The following CYP4F22 variants were observed in gnomAD, a reference collection of about 807,000 sequenced individuals.
CYP4F22 encodes ultra-long-chain fatty acid omega-hydroxylase.
A neutral mutation model predicts 60.4 loss-of-function variants in CYP4F22; 37 were observed. The ratio of observed to expected loss-of-function variants is 0.61; its 90% CI spans 0.47 to 0.81. The LOEUF (loss-of-function observed/expected upper bound fraction) is 0.81. Ranked by LOEUF, CYP4F22 falls within the 30% of genes least tolerant of loss-of-function variation. The pLI is 0.00. For synonymous variants in CYP4F22, 258 were observed against 280.5 expected, an observed-to-expected ratio of 0.92 and a Z score of 0.80; for missense variants, 655 against 715.0, an observed-to-expected ratio of 0.92 and a Z score of 0.96.
intron 2 of CYP4F22, among the ~76,000 whole-genome samples, chr19:15,524,814 T>C (rs1290613610): frequency 6.6e-6 from 1 of 152,132 alleles, no homozygotes; most frequent in Non-Finnish European, 1.5e-5. Context: ...TTTTGTGTTA[T>C]GCGAATCTCA....
intron 1 of CYP4F22, among the ~76,000 whole-genome samples, chr19:15,520,712 C>G (rs1262565057): frequency 6.7e-6 from 1 of 148,504 alleles, no homozygotes; most frequent in Non-Finnish European, 1.5e-5. Context: ...CTCAGCCTCC[C>G]GAGTAGCGGG....
chr19:15,527,507 G>A (rs915472924), intron 3 of CYP4F22, among the ~76,000 whole-genome samples: 4 of 152,230 alleles, frequency 2.6e-5, no homozygotes, highest in African/African-American at 9.6e-5. Flanking sequence ...ACTCTAGAAA[G>A]CCCTCTCTGG....
intron 4 of CYP4F22, among the ~76,000 whole-genome samples, chr19:15,531,782 G>C (rs1971345461): frequency 6.6e-6 from 1 of 152,108 alleles, no homozygotes; most frequent in Non-Finnish European, 1.5e-5. Flanking sequence ...TCTGTAAAAT[G>C]GGTGCAGTTG....
intron 1 of CYP4F22, among the ~76,000 whole-genome samples, chr19:15,512,283 G>C (rs760127289): frequency 3.9e-5 from 6 of 152,150 alleles, no homozygotes; most frequent in Non-Finnish European, 8.8e-5. Flanking sequence ...GGAGAGCTGA[G>C]ATTTGAACCC....
intron 7 of CYP4F22, among the ~76,000 whole-genome samples, chr19:15,538,518 C>T (rs1463017296): frequency 6.6e-6 from 1 of 152,210 alleles, no homozygotes; most frequent in African/African-American, 2.4e-5. Flanking sequence ...ATCAAATATT[C>T]ATTGTGCACC....
chr19:15,532,817 T>C (rs544147657), intron 4 of CYP4F22, among the ~76,000 whole-genome samples: 40 of 152,178 alleles, frequency 2.6e-4, no homozygotes, highest in Non-Finnish European at 5.1e-4. Flanking sequence ...TAGTAGATGC[T>C]TAAGCCTCTT....
rs7259498 is a variant in CYP4F22 at position 15,543,820 on chromosome 19, G to A, written c.940-151G>A. 0.65 allele frequency: 545,750 copies of A among 835,080 alleles called. 180,536 individuals are homozygous for A. Among genetic ancestry groups the A allele is most frequent in the South Asian group, 0.72 (46,893 of 65,442 alleles). The allele number at this position is 835,080 out of a possible 1,614,324, so 51.7% of individuals were successfully genotyped here. Reference sequence around the variant, plus strand: ...TGCAGTTAGCCGAGATTGTGCCACCGCACTCCAGCCTGGGTGATAGAGCGA... The same window carrying A: ...TGCAGTTAGCCGAGATTGTGCCACCACACTCCAGCCTGGGTGATAGAGCGA... On this transcript the variant is annotated intron_variant, in intron 8 of 13. Transcript: ENST00000269703.
At chr19:15,532,894 A>T (rs1271569638) in intron 4 of CYP4F22, among the ~76,000 whole-genome samples, 3 of 152,092 alleles carry the variant, frequency 2.0e-5, no homozygotes, top group Non-Finnish European at 2.9e-5. Flanking sequence ...CAGATAGGGA[A>T]CTCCAGGATG....
At chr19:15,542,597 T>G (rs1037659086) in intron 8 of CYP4F22, among the ~76,000 whole-genome samples, 4 of 152,116 alleles carry the variant, frequency 2.6e-5, no homozygotes, top group African/African-American at 4.8e-5. Flanking sequence ...GCGTGCAGGT[T>G]TGTTACGTAG....
intron 4 of CYP4F22, among the ~76,000 whole-genome samples, chr19:15,536,078 C>T (rs941389575): frequency 5.9e-5 from 9 of 152,168 alleles, no homozygotes; most frequent in Admixed American, 4.6e-4. Flanking sequence ...GTGGCTTATG[C>T]CTGTAGTCCC....
rs1295024065 is a variant in CYP4F22 at position 15,548,256 on chromosome 19, C to A, written c.1270+15C>A. The A allele has an allele frequency of 1.2e-6, 2 of 1,613,744 alleles. No individual in the cohort carries two copies. The highest frequency in any genetic ancestry group is 2.2e-5 in the East Asian group (1 of 44,888). On this transcript the variant is annotated intron_variant, in intron 11 of 13. Transcript: ENST00000269703. Reference sequence around the variant, plus strand: ...CATCCCCAAAGGTGCCTACCATGTTCCGCCTGCTGCTGGTGCACTGCCTCC... The same window carrying A: ...CATCCCCAAAGGTGCCTACCATGTTACGCCTGCTGCTGGTGCACTGCCTCC...
intron 1 of CYP4F22, among the ~76,000 whole-genome samples, chr19:15,521,523 C>T (rs1048415050): frequency 6.6e-6 from 1 of 152,158 alleles, no homozygotes; most frequent in South Asian, 2.1e-4. Flanking sequence ...TGAGCCACCC[C>T]GCCCAGCCTA....
At chr19:15,525,598 G>A (rs1971274536) in intron 3 of CYP4F22, 40 bp downstream of exon 3, 2 of 1,583,220 alleles carry the variant, frequency 1.3e-6, no homozygotes, top group African/African-American at 2.7e-5. Context: ...GCTGGGCTGG[G>A]CATGTGCAGG....
Position 15,537,279 on chromosome 19 carries a change from T to C in CYP4F22, c.368-82T>C, listed in dbSNP as rs145483377. On this transcript the variant is annotated intron_variant, in intron 4 of 13. Transcript: ENST00000269703. ...TCGCACCACTGCACTCCAGCCTGGA[T>C]GACAGAGCAAGACTCCGTAAAAAAA... The C allele has an allele frequency of 2.7e-3, 4,307 of 1,576,074 alleles. 94 individuals carry two copies. In the African/African-American group the frequency reaches 0.051, roughly 19 times the overall value.
chr19:15,513,558 G>T (rs549729773), intron 1 of CYP4F22, among the ~76,000 whole-genome samples: 1 of 151,848 alleles, frequency 6.6e-6, no homozygotes, highest in Non-Finnish European at 1.5e-5. Flanking sequence ...TAGAGACGGG[G>T]TTTCACCGTG....
intron 4 of CYP4F22, 89 bp from the exon 5 acceptor site, chr19:15,537,272 G>A (rs1447249120): frequency 1.3e-6 from 2 of 1,560,172 alleles, no homozygotes; most frequent in Non-Finnish European, 1.8e-6. Flanking sequence ...CTGCACTCCA[G>A]CCTGGATGAC....
chr19:15,548,332 G>A (rs1971557321), intron 11 of CYP4F22, 91 bp downstream of exon 11: 4 of 1,574,982 alleles, frequency 2.5e-6, no homozygotes, highest in Non-Finnish European at 3.5e-6. Flanking sequence ...GCCTGCCCCA[G>A]GTGCACTATC....
At chr19:15,513,365 T>A (rs4809197) in intron 1 of CYP4F22, among the ~76,000 whole-genome samples, 28,865 of 67,408 alleles carry the variant, frequency 0.43, 3,197 homozygotes, top group East Asian at 0.61. Flanking sequence ...ATATATATTT[T>A]TTTTTTTTTT....
chr19:15,526,747 CT>C lies in CYP4F22; in HGVS notation c.222+1205del, dbSNP rs751050534. On this transcript the variant is annotated intron_variant, in intron 3 of 13. Transcript: ENST00000269703. ...CTAGATGAGATAGGCTAGACTTTTC[CT>C]TTTTTTTTTTTTTTTCGAGACAGTC... Among the ~76,000 whole-genome samples, 746 of 134,340 alleles carry C rather than the reference CT, an allele frequency of 5.6e-3. 2 individuals are homozygous for C. The highest frequency in any genetic ancestry group is 0.027 in the Middle Eastern group (7 of 264). 88.1% of individuals were successfully genotyped at this position (134,340 alleles called of 152,430 possible).
Sources: gnomAD v4.1 joint callset for allele counts (sites outside exome capture counted in the v4.1 genomes callset) on GRCh38, gnomAD v4.1.1 for gene constraint, MANE v1.5 for transcripts, NCBI Gene and HGNC (gene_info 2026-07-23, HGNC 2026-07-21) for gene names.